Variants in PTPN4 observed in about 807,000 individuals in gnomAD.
PTPN4 encodes protein tyrosine phosphatase non-receptor type 4.
Under a neutral mutation model 135.5 loss-of-function variants are expected in PTPN4, and 49 were observed. The observed-to-expected ratio is 0.36, with a 90% CI of 0.29 to 0.46. PTPN4 has a LOEUF of 0.46. PTPN4 is among the 20% of genes least tolerant of loss of function. The pLI, the probability that PTPN4 is intolerant of heterozygous loss-of-function variation, is 1.00. For missense variants in PTPN4, 860 were observed against 1,101.0 expected (o/e 0.78, Z 3.10); for synonymous variants, 333 against 369.9 (o/e 0.90, Z 1.14).
chr2:119,923,953 C>T (rs890476112), intron 12 of PTPN4, among the ~76,000 whole-genome samples: 5 of 151,818 alleles, frequency 3.3e-5, no homozygotes, highest in African/African-American at 4.8e-5. Flanking sequence ...TTGGCTAATG[C>T]GGTGAAACCC....
At chr2:119,954,570 T>C (rs561886179) in intron 19 of PTPN4, among the ~76,000 whole-genome samples, 2 of 152,268 alleles carry the variant, frequency 1.3e-5, no homozygotes, top group East Asian at 3.9e-4. Context: ...TTCACATGTA[T>C]GTTTATAAGC....
chr2:119,764,984 AATCTGGTGTGGAATCTAGCGT>A, intron 1 of PTPN4, among the ~76,000 whole-genome samples: 1 of 152,158 alleles, frequency 6.6e-6, no homozygotes, highest in East Asian at 1.9e-4. Flanking sequence ...TTTGGAGTCA[AATCTGGTGTGGAATCTAGCGT>A]CAAAAACCTC....
chr2:119,769,187 G>A (rs1202423311), intron 1 of PTPN4, among the ~76,000 whole-genome samples: 2 of 152,184 alleles, frequency 1.3e-5, no homozygotes, highest in Non-Finnish European at 2.9e-5. Flanking sequence ...TGAAAGAAAG[G>A]TTGTGAGAGA....
At chr2:119,791,777 T>A (rs1029211955) in intron 1 of PTPN4, among the ~76,000 whole-genome samples, 2 of 152,224 alleles carry the variant, frequency 1.3e-5, no homozygotes, top group African/African-American at 4.8e-5. Context: ...TCTTTGAGTT[T>A]ATCCTAATTG....
At chr2:119,925,368 C>T (rs1231409462) in intron 12 of PTPN4, among the ~76,000 whole-genome samples, 2 of 152,162 alleles carry the variant, frequency 1.3e-5, no homozygotes, top group African/African-American at 4.8e-5. Flanking sequence ...TGACAGCTCG[C>T]ACATTAAATT....
chr2:119,933,085 A>G (rs1223382702), intron 14 of PTPN4, among the ~76,000 whole-genome samples: 4 of 152,158 alleles, frequency 2.6e-5, no homozygotes, highest in Non-Finnish European at 4.4e-5. Context: ...CACTTACCGT[A>G]TATGTACTTC....
At chr2:119,975,845 C>T (rs1041766064) in intron 26 of PTPN4, among the ~76,000 whole-genome samples, 1 of 151,872 alleles carries the variant, frequency 6.6e-6, no homozygotes, top group Non-Finnish European at 1.5e-5. Context: ...TAATTATATG[C>T]TATATTTACA....
chr2:119,909,895 A>T (rs1009308719), intron 10 of PTPN4, among the ~76,000 whole-genome samples: 25 of 152,196 alleles, frequency 1.6e-4, no homozygotes, highest in African/African-American at 4.6e-4. Flanking sequence ...GAGTCTGAAG[A>T]TGGGGTAGGG....
In PTPN4 at chr2:119,981,773, C is replaced by G. The variant is rs1373825926; in HGVS notation, c.*4703C>G. 6.6e-6 allele frequency: 1 copy of G among 152,080 alleles called. No homozygotes were observed. Among genetic ancestry groups the G allele is most frequent in the Non-Finnish European group, 1.5e-5 (1 of 67,988 alleles). 9.4% of individuals were successfully genotyped at this position (152,080 alleles called of 1,614,324 possible). ...AAAAAACAAACAGCAATCTCTGTTTCTGCCAGAAGTTAGATATTTTTTTAT... is the reference window on the plus strand; with the variant it reads ...AAAAAACAAACAGCAATCTCTGTTTGTGCCAGAAGTTAGATATTTTTTTAT... On this transcript the variant is annotated 3_prime_UTR_variant, in exon 27 of 27. Transcript: ENST00000263708.
intron 15 of PTPN4, among the ~76,000 whole-genome samples, chr2:119,943,582 T>A (rs1679090295): frequency 8.1e-6 from 1 of 124,004 alleles, no homozygotes; most frequent in African/African-American, 3.1e-5. Flanking sequence ...ATTTTTTTCT[T>A]TTTTTTTTTT....
intron 1 of PTPN4, among the ~76,000 whole-genome samples, chr2:119,775,390 A>C (rs1293085954): frequency 6.6e-6 from 1 of 152,192 alleles, no homozygotes; most frequent in Non-Finnish European, 1.5e-5. Flanking sequence ...GTCAGGAACT[A>C]CCTTGCCAGT....
chr2:119,839,073 C>T (rs1254662648), intron 2 of PTPN4, among the ~76,000 whole-genome samples: 2 of 152,082 alleles, frequency 1.3e-5, no homozygotes, highest in Non-Finnish European at 2.9e-5. Flanking sequence ...TTAAAACTCC[C>T]CTATTTCAGG....
chr2:119,825,964 C>T (rs543985372), intron 2 of PTPN4, among the ~76,000 whole-genome samples: 2 of 152,214 alleles, frequency 1.3e-5, no homozygotes, highest in Non-Finnish European at 2.9e-5. Flanking sequence ...TGCTGTTTTT[C>T]TTATCTTTTG....
intron 18 of PTPN4, among the ~76,000 whole-genome samples, chr2:119,948,562 G>A (rs1238567430): frequency 6.6e-6 from 1 of 152,018 alleles, no homozygotes; most frequent in Non-Finnish European, 1.5e-5. Flanking sequence ...TTAATTATAT[G>A]GTTTATAACA....
At chr2:119,860,242 A>G (rs983924862) in intron 2 of PTPN4, among the ~76,000 whole-genome samples, 61 of 152,200 alleles carry the variant, frequency 4.0e-4, no homozygotes, top group Non-Finnish European at 7.1e-4. Flanking sequence ...TTTGCAGGCG[A>G]TTTAAATGGG....
intron 24 of PTPN4, 93 bp from the exon 25 acceptor site, chr2:119,965,404 C>A: frequency 8.2e-7 from 1 of 1,220,546 alleles, no homozygotes; most frequent in Non-Finnish European, 1.1e-6. Flanking sequence ...TTCTATCTCC[C>A]CCTCCCTTCT....
chr2:119,852,023 TTGTC>T (rs1415840628), intron 2 of PTPN4, among the ~76,000 whole-genome samples: 5 of 152,222 alleles, frequency 3.3e-5, no homozygotes, highest in African/African-American at 4.8e-5. Context: ...TGTGAGGAAT[TTGTC>T]TGTTTCATCC....
At chr2:119,910,536 G>A (rs1678556137) in intron 10 of PTPN4, among the ~76,000 whole-genome samples, 1 of 152,150 alleles carries the variant, frequency 6.6e-6, no homozygotes, top group South Asian at 2.1e-4. Flanking sequence ...GTTTGGCTCT[G>A]TGTCCTGCCC....
In PTPN4 at chr2:119,967,982, G is replaced by A. The variant is rs760444451; in HGVS notation, c.2694+10G>A. On this transcript the variant is annotated intron_variant, in intron 26 of 26. Coordinates refer to ENST00000263708, the MANE Select transcript of PTPN4 (RefSeq NM_002830.4). ...GATGATCCAAACACCTGTGAGTACT[G>A]TACTTTATATACAAGTGTATATTCT... 5 of 1,561,808 alleles carry A rather than the reference G, an allele frequency of 3.2e-6. No individual in the cohort carries two copies. Among genetic ancestry groups the A allele is most frequent in the Admixed American group, 1.8e-5 (1 of 56,290 alleles).
Sources: gnomAD v4.1 joint callset for allele counts (sites outside exome capture counted in the v4.1 genomes callset) on GRCh38, gnomAD v4.1.1 for gene constraint, MANE v1.5 for transcripts, NCBI Gene and HGNC (gene_info 2026-07-23, HGNC 2026-07-21) for gene names.